Variants in SUPT3H observed in about 807,000 individuals in gnomAD.
SUPT3H encodes SPT3 homolog, SAGA and STAGA complex component, also known as transcription initiation protein SPT3 homolog.
SUPT3H carries 44 observed loss-of-function variants against 44.3 expected under a neutral mutation model. The ratio of observed to expected loss-of-function variants is 0.99; its 90% confidence interval spans 0.78 to 1.28. SUPT3H has a LOEUF of 1.28. Among genes scored for constraint, SUPT3H ranks in the 50% most tolerant of loss-of-function variants. SUPT3H has a pLI of 0.00. For missense variants in SUPT3H, 380 were observed against 387.1 expected (o/e 0.98, Z 0.15); for synonymous variants, 124 against 125.6 (o/e 0.99, Z 0.09).
intron 2 of SUPT3H, among the ~76,000 whole-genome samples, chr6:45,229,758 CA>C (rs893353850): frequency 5.3e-5 from 8 of 150,888 alleles, no homozygotes; most frequent in African/African-American, 1.2e-4. Flanking sequence ...TTGTTACATG[CA>C]AAAAAAAGTG....
At chr6:44,876,785 C>G (rs1452977796) in intron 10 of SUPT3H, among the ~76,000 whole-genome samples, 1 of 126,000 alleles carries the variant, frequency 7.9e-6, no homozygotes, top group East Asian at 2.3e-4. Context: ...CAAAACTGTG[C>G]TTAAAATACA....
chr6:44,898,556 C>G (rs985923201), intron 10 of SUPT3H, among the ~76,000 whole-genome samples: 4 of 152,208 alleles, frequency 2.6e-5, no homozygotes, highest in Admixed American at 6.5e-5. Context: ...AAATTCCTGC[C>G]CACAGAAATC....
chr6:45,029,360 T>TATAC (rs1554213520), intron 3 of SUPT3H, among the ~76,000 whole-genome samples: 5 of 149,946 alleles, frequency 3.3e-5, no homozygotes, highest in African/African-American at 7.3e-5. Flanking sequence ...TATATATATA[T>TATAC]ACATATTCTT....
chr6:45,076,628 A>G (rs1469465006), intron 3 of SUPT3H, among the ~76,000 whole-genome samples: 1 of 152,328 alleles, frequency 6.6e-6, no homozygotes, highest in Non-Finnish European at 1.5e-5. Flanking sequence ...TAGTGATACA[A>G]GGTTATATTC....
intron 9 of SUPT3H, among the ~76,000 whole-genome samples, chr6:44,938,754 G>A (rs894920626): frequency 3.9e-5 from 6 of 152,022 alleles, no homozygotes; most frequent in South Asian, 4.1e-4. Flanking sequence ...TACTTTCATC[G>A]CTGGTTTGTA....
intron 6 of SUPT3H, among the ~76,000 whole-genome samples, chr6:44,971,993 C>G (rs1777640890): frequency 6.6e-6 from 1 of 151,986 alleles, no homozygotes; most frequent in African/African-American, 2.4e-5. Context: ...CCAGGATGGT[C>G]TCTATCTCCT....
At chr6:45,241,064 T>C (rs568698090) in intron 2 of SUPT3H, among the ~76,000 whole-genome samples, 4 of 152,272 alleles carry the variant, frequency 2.6e-5, no homozygotes, top group South Asian at 2.1e-4. Flanking sequence ...TCAATGATGA[T>C]TGTGCTTTTA....
intron 2 of SUPT3H, among the ~76,000 whole-genome samples, chr6:45,134,030 T>C (rs1803889101): frequency 6.6e-6 from 1 of 152,238 alleles, no homozygotes; most frequent in Non-Finnish European, 1.5e-5. Flanking sequence ...CCTGTCTTTG[T>C]TGACTTCATG....
At chr6:45,311,427 G>A (rs1403630539) in intron 2 of SUPT3H, among the ~76,000 whole-genome samples, 1 of 152,158 alleles carries the variant, frequency 6.6e-6, no homozygotes, top group Non-Finnish European at 1.5e-5. Context: ...AGCCTTGCTA[G>A]AGACCTAGAC....
chr6:45,375,287 C>T (rs1412384461), intron 1 of SUPT3H, among the ~76,000 whole-genome samples: 1 of 152,174 alleles, frequency 6.6e-6, no homozygotes, highest in Non-Finnish European at 1.5e-5. Context: ...ACAAGGCTAA[C>T]AGTAGGGTGA....
intron 2 of SUPT3H, among the ~76,000 whole-genome samples, chr6:45,178,324 T>C (rs1812409647): frequency 1.3e-5 from 2 of 152,016 alleles, no homozygotes; most frequent in Admixed American, 6.5e-5. Flanking sequence ...GACAAGGCCA[T>C]TACATAATGG....
intron 11 of SUPT3H, among the ~76,000 whole-genome samples, chr6:44,817,346 A>G (rs1361766132): frequency 6.6e-6 from 1 of 152,180 alleles, no homozygotes; most frequent in Non-Finnish European, 1.5e-5. Context: ...TTAATGTGAT[A>G]AAAAGCATCT....
chr6:45,207,546 T>C (rs1306795086), intron 2 of SUPT3H, among the ~76,000 whole-genome samples: 1 of 152,214 alleles, frequency 6.6e-6, no homozygotes, highest in Admixed American at 6.5e-5. Context: ...GTAAAATTCA[T>C]GCAAGTCTGT....
intron 2 of SUPT3H, among the ~76,000 whole-genome samples, chr6:45,231,030 T>C (rs1373216290): frequency 6.6e-6 from 1 of 152,076 alleles, no homozygotes; most frequent in Non-Finnish European, 1.5e-5. Context: ...ATATGAAAGG[T>C]TTTTCCCCGT....
rs2153544441 is a variant in SUPT3H, at chr6:45,063,437, C to G, written c.186+42485G>C. On this transcript the variant is annotated intron_variant, in intron 3 of 10. Transcript: ENST00000371459. Reference sequence around the variant, plus strand: ...CCAAAGGAACGCAGCTCCTCACCAGCAACGGAACAAAGCTGGACGGAGAAT... The same window carrying G: ...CCAAAGGAACGCAGCTCCTCACCAGGAACGGAACAAAGCTGGACGGAGAAT... 1.3e-5 allele frequency among the ~76,000 whole-genome samples: 2 copies of G among 149,296 alleles called. 1 individual carries two copies. Among genetic ancestry groups the G allele is most frequent in the Middle Eastern group, 6.9e-3 (2 of 288 alleles).
chr6:45,234,744 C>T (rs538436441), intron 2 of SUPT3H, among the ~76,000 whole-genome samples: 1 of 152,158 alleles, frequency 6.6e-6, no homozygotes, highest in East Asian at 1.9e-4. Flanking sequence ...TGTAAACAAA[C>T]TATAGCTATC....
chr6:45,048,987 T>C (rs952420405), intron 3 of SUPT3H, among the ~76,000 whole-genome samples: 2 of 152,118 alleles, frequency 1.3e-5, no homozygotes, highest in African/African-American at 2.4e-5. Context: ...ATAGTGACTA[T>C]AGTTAATAAC....
intron 2 of SUPT3H, among the ~76,000 whole-genome samples, chr6:45,209,036 A>G (rs773588852): frequency 6.6e-6 from 1 of 152,218 alleles, no homozygotes; most frequent in South Asian, 2.1e-4. Context: ...GGATGACAGC[A>G]TATCTACTTA....
intron 5 of SUPT3H, among the ~76,000 whole-genome samples, chr6:45,012,633 C>T (rs1227366142): frequency 2.0e-5 from 3 of 151,914 alleles, no homozygotes; most frequent in Non-Finnish European, 4.4e-5. Flanking sequence ...TTTTTGTCTG[C>T]TAAGTCCTAC....
Sources: gnomAD v4.1 joint callset for allele counts (sites outside exome capture counted in the v4.1 genomes callset) on GRCh38, gnomAD v4.1.1 for gene constraint, MANE v1.5 for transcripts, NCBI Gene and HGNC (gene_info 2026-07-23, HGNC 2026-07-21) for gene names.